The following GULP1 variants were observed in gnomAD, a reference collection of about 807,000 sequenced individuals.
GULP1 encodes the protein GULP PTB domain containing engulfment adaptor 1.
GULP1 carries 19 observed loss-of-function variants against 40.9 expected under a neutral mutation model. The ratio of observed to expected loss-of-function variants is 0.46; its 90% CI spans 0.32 to 0.68. The LOEUF (loss-of-function observed/expected upper bound fraction) is 0.68. Ranked by LOEUF, GULP1 falls within the 30% of genes least tolerant of loss-of-function variation. The pLI, the probability that GULP1 is intolerant of heterozygous loss-of-function variation, is 0.03. For missense variants in GULP1, 312 were observed against 362.2 expected (o/e 0.86, Z 1.12); for synonymous variants, 119 against 117.6 (o/e 1.01, Z -0.08).
intron 2 of GULP1, among the ~76,000 whole-genome samples, chr2:188,403,594 C>G (rs988552986): frequency 6.6e-6 from 1 of 152,028 alleles, no homozygotes; most frequent in African/African-American, 2.4e-5. Context: ...GAAAATAAAT[C>G]AGAGAACTCT....
At chr2:188,346,676 A>T (rs946725278) in intron 1 of GULP1, among the ~76,000 whole-genome samples, 3 of 151,676 alleles carry the variant, frequency 2.0e-5, no homozygotes, top group African/African-American at 7.2e-5. Flanking sequence ...GTATTTATCC[A>T]TGGTGAGTAT....
chr2:188,464,428 A>G (rs762014540), intron 2 of GULP1, among the ~76,000 whole-genome samples: 40 of 152,146 alleles, frequency 2.6e-4, no homozygotes, highest in Non-Finnish European at 2.2e-4. Flanking sequence ...TGTAGGCACC[A>G]CCCATAGCTT....
intron 1 of GULP1, among the ~76,000 whole-genome samples, chr2:188,294,896 C>T (rs184011296): frequency 6.6e-6 from 1 of 152,150 alleles, no homozygotes; most frequent in Non-Finnish European, 1.5e-5. Flanking sequence ...AGGAATACTT[C>T]TATGTTGAAT....
At chr2:188,402,319 A>G (rs962563563) in intron 2 of GULP1, among the ~76,000 whole-genome samples, 1 of 152,130 alleles carries the variant, frequency 6.6e-6, no homozygotes, top group African/African-American at 2.4e-5. Context: ...TGACTCCTCA[A>G]TAAAATTATT....
intron 2 of GULP1, among the ~76,000 whole-genome samples, chr2:188,429,548 G>T (rs2056611963): frequency 6.6e-6 from 1 of 152,132 alleles, no homozygotes. Flanking sequence ...AGATGAGTTA[G>T]GAGTTAGGTG....
chr2:188,585,124 A>C (rs907128186), intron 10 of GULP1, among the ~76,000 whole-genome samples: 1 of 152,256 alleles, frequency 6.6e-6, no homozygotes, highest in East Asian at 1.9e-4. Flanking sequence ...TAAATCTTAA[A>C]GCTCCAAAAT....
chr2:188,405,697 C>T (rs1422163528), intron 2 of GULP1, among the ~76,000 whole-genome samples: 1 of 152,176 alleles, frequency 6.6e-6, no homozygotes, highest in Non-Finnish European at 1.5e-5. Context: ...CAGGTCTGCC[C>T]ATTGCATTGA....
At chr2:188,491,720 A>G (rs2062408460) in intron 4 of GULP1, 1 of 152,136 alleles carries the variant, frequency 6.6e-6, no homozygotes, top group South Asian at 2.1e-4. Flanking sequence ...TAAGATTTCT[A>G]TTCATGACAT....
chr2:188,538,546 T>G (rs1192361208), intron 6 of GULP1, among the ~76,000 whole-genome samples: 1 of 152,126 alleles, frequency 6.6e-6, no homozygotes, highest in East Asian at 1.9e-4. Context: ...ATATGACTAT[T>G]TACCCATATA....
chr2:188,353,572 C>T (rs540495969), intron 1 of GULP1, among the ~76,000 whole-genome samples: 4 of 152,016 alleles, frequency 2.6e-5, no homozygotes, highest in African/African-American at 7.2e-5. Flanking sequence ...CAGGTAGCAC[C>T]GTACATCCCA....
intron 2 of GULP1, among the ~76,000 whole-genome samples, chr2:188,445,612 C>T (rs866596855): frequency 6.6e-6 from 1 of 152,112 alleles, no homozygotes; most frequent in African/African-American, 2.4e-5. Context: ...TGTCATGATA[C>T]CAGATGAGCA....
chr2:188,383,096 A>G (rs2049214844), intron 1 of GULP1, among the ~76,000 whole-genome samples: 1 of 152,160 alleles, frequency 6.6e-6, no homozygotes, highest in Non-Finnish European at 1.5e-5. Flanking sequence ...GGCAAAAGAT[A>G]CTATGCTGTG....
intron 7 of GULP1, among the ~76,000 whole-genome samples, chr2:188,564,873 T>A: frequency 6.6e-6 from 1 of 152,116 alleles, no homozygotes; most frequent in South Asian, 2.1e-4. Context: ...TGAACTGTAT[T>A]GTAGAGTTTA....
intron 10 of GULP1, among the ~76,000 whole-genome samples, chr2:188,585,440 C>T (rs1702169618): frequency 6.6e-6 from 1 of 152,190 alleles, no homozygotes; most frequent in Non-Finnish European, 1.5e-5. Context: ...CATGAGGGCT[C>T]TGCTCCTGCC....
At chr2:188,581,943 A>G (rs1701414316) in intron 9 of GULP1, among the ~76,000 whole-genome samples, 1 of 152,162 alleles carries the variant, frequency 6.6e-6, no homozygotes, top group African/African-American at 2.4e-5. Flanking sequence ...AACTTTATGT[A>G]CAAGAGTTTA....
At chr2:188,478,540 G>C (rs538664942) in intron 3 of GULP1, among the ~76,000 whole-genome samples, 1 of 152,062 alleles carries the variant, frequency 6.6e-6, no homozygotes, top group Non-Finnish European at 1.5e-5. Context: ...AAAGCAAGAA[G>C]GTGATGATAC....
rs182769355 is a variant in GULP1 at position 188,296,960 on chromosome 2, G to A, written c.-172+4794G>A. Among the ~76,000 whole-genome samples, 177 of 150,944 alleles carry A rather than the reference G, an allele frequency of 1.2e-3. 1 individual carries two copies. Among genetic ancestry groups the A allele is most frequent in the Admixed American group, 9.5e-3 (144 of 15,150 alleles). On this transcript the variant is annotated intron_variant, in intron 1 of 11. Coordinates refer to ENST00000409830, the MANE Select transcript of GULP1 (RefSeq NM_016315.4). ...TCTCTCTTTGTCTGTCTCTCTCTCT[G>A]TCTCCATTTCTTTCTCCCTTTCTGT...
intron 1 of GULP1, among the ~76,000 whole-genome samples, chr2:188,359,763 T>C (rs1368486336): frequency 1.3e-5 from 2 of 152,164 alleles, no homozygotes; most frequent in African/African-American, 4.8e-5. Flanking sequence ...TTCCTTAGCA[T>C]GGTTTTGGAA....
chr2:188,440,442 C>T (rs945835676), intron 2 of GULP1, among the ~76,000 whole-genome samples: 4 of 152,160 alleles, frequency 2.6e-5, no homozygotes, highest in Admixed American at 6.5e-5. Context: ...CACACTCATG[C>T]AAAAGTTTGT....
Sources: gnomAD v4.1 joint callset for allele counts (sites outside exome capture counted in the v4.1 genomes callset) on GRCh38, gnomAD v4.1.1 for gene constraint, MANE v1.5 for transcripts, NCBI Gene and HGNC (gene_info 2026-07-23, HGNC 2026-07-21) for gene names.